Variants in PTPN1 observed in about 807,000 individuals in gnomAD.
PTPN1 encodes protein tyrosine phosphatase non-receptor type 1, also known as tyrosine-protein phosphatase non-receptor type 1.
Under a neutral mutation model 59.9 loss-of-function variants are expected in PTPN1, and 12 were observed. The observed-to-expected ratio is 0.20, with a 90% confidence interval of 0.13 to 0.32. PTPN1 has a LOEUF of 0.32. Among genes scored for constraint, PTPN1 ranks in the 10% least tolerant of loss-of-function variants. The pLI, the probability that PTPN1 is intolerant of heterozygous loss-of-function variation, is 1.00. For synonymous variants in PTPN1, 178 were observed against 203.6 expected (o/e 0.87, Z 1.07); for missense variants, 356 against 549.2 (o/e 0.65, Z 3.52).
At chr20:50,537,364 AAC>A (rs1414621477) in intron 1 of PTPN1, among the ~76,000 whole-genome samples, 8 of 152,188 alleles carry the variant, frequency 5.3e-5, no homozygotes, top group Admixed American at 2.6e-4. Flanking sequence ...TTAAAAATAA[AAC>A]AGAGAGATCC....
intron 1 of PTPN1, among the ~76,000 whole-genome samples, chr20:50,537,156 C>T (rs1365856684): frequency 5.3e-5 from 8 of 152,082 alleles, no homozygotes; most frequent in Admixed American, 2.0e-4. Context: ...AACCCTGTCT[C>T]TACTAAAAAT....
chr20:50,548,865 G>A (rs548362681), intron 1 of PTPN1, among the ~76,000 whole-genome samples: 5 of 152,166 alleles, frequency 3.3e-5, no homozygotes, highest in South Asian at 2.1e-4. Flanking sequence ...TTACAGTTGC[G>A]TGCCACCACA....
intron 1 of PTPN1, among the ~76,000 whole-genome samples, chr20:50,549,117 C>T (rs1050148818): frequency 1.3e-5 from 2 of 152,226 alleles, no homozygotes; most frequent in African/African-American, 4.8e-5. Context: ...ATTTGTAGAA[C>T]TAACTAGTTG....
chr20:50,579,411 C>G, intron 7 of PTPN1, 82 bp downstream of exon 7: 1 of 1,453,610 alleles, frequency 6.9e-7, no homozygotes, highest in Non-Finnish European at 9.4e-7. Flanking sequence ...TGTAAAAGTT[C>G]AAACACCGTC....
At chr20:50,530,593 G>A (rs1321244996) in intron 1 of PTPN1, among the ~76,000 whole-genome samples, 3 of 151,836 alleles carry the variant, frequency 2.0e-5, no homozygotes, top group African/African-American at 7.3e-5. Context: ...TCTTGACCCC[G>A]TGATCCACCC....
chr20:50,510,736 C>T (rs2082503123), intron 1 of PTPN1, 146 bp downstream of exon 1: 3 of 882,652 alleles, frequency 3.4e-6, no homozygotes, highest in Non-Finnish European at 4.9e-6. Flanking sequence ...CGACGCACTG[C>T]GTCCCCCCAC....
At chr20:50,567,909 C>G (rs923860296) in intron 3 of PTPN1, among the ~76,000 whole-genome samples, 2 of 152,154 alleles carry the variant, frequency 1.3e-5, no homozygotes, top group African/African-American at 4.8e-5. Context: ...TATTATTAGT[C>G]AAGTAAGCGA....
At chr20:50,555,463 T>A (rs2082722129) in intron 1 of PTPN1, among the ~76,000 whole-genome samples, 2 of 152,178 alleles carry the variant, frequency 1.3e-5, no homozygotes, top group African/African-American at 4.8e-5. Context: ...GTTTTGTATC[T>A]TGGTTGCATT....
intron 1 of PTPN1, among the ~76,000 whole-genome samples, chr20:50,523,526 G>A (rs75100828): frequency 2.6e-5 from 4 of 152,218 alleles, no homozygotes; most frequent in South Asian, 2.1e-4. Flanking sequence ...TGCTTTTCTC[G>A]TCTAGATTGT....
In PTPN1 at chr20:50,581,498, G is replaced by A. The variant is rs141824200; in HGVS notation, c.1284+38G>A. ...TGACAGACGCGCTGGCGAGATGCTCGTGTGCAGAGAGCACTGGCCGCTAGC... is the reference window on the plus strand; with the variant it reads ...TGACAGACGCGCTGGCGAGATGCTCATGTGCAGAGAGCACTGGCCGCTAGC... On this transcript the variant is annotated intron_variant, in intron 9 of 9. Coordinates refer to ENST00000371621, the MANE Select transcript of PTPN1 (RefSeq NM_002827.4). 4.1e-4 allele frequency: 641 copies of A among 1,570,478 alleles called. 1 individual carries two copies. The African/African-American group carries it at 7.6e-3, about 19-fold the overall frequency.
intron 1 of PTPN1, among the ~76,000 whole-genome samples, chr20:50,553,061 G>C (rs545030239): frequency 6.6e-6 from 1 of 152,082 alleles, no homozygotes; most frequent in East Asian, 1.9e-4. Context: ...GTCTCTCTCT[G>C]TCTCTCATAG....
intron 1 of PTPN1, among the ~76,000 whole-genome samples, chr20:50,513,869 C>A (rs996863030): frequency 1.3e-5 from 2 of 151,744 alleles, no homozygotes; most frequent in African/African-American, 4.8e-5. Flanking sequence ...GGAGAAAGAT[C>A]TATACACTAT....
chr20:50,541,032 A>T (rs1192880702), intron 1 of PTPN1, among the ~76,000 whole-genome samples: 1 of 152,168 alleles, frequency 6.6e-6, no homozygotes, highest in Non-Finnish European at 1.5e-5. Context: ...AATGTACTAC[A>T]TTCCGTCTCA....
intron 5 of PTPN1, 109 bp downstream of exon 5, chr20:50,574,763 C>T: frequency 7.2e-7 from 1 of 1,380,172 alleles, no homozygotes; most frequent in Non-Finnish European, 9.9e-7. Flanking sequence ...CTTTTGTATA[C>T]CCCGAGCAAG....
At chr20:50,545,535 G>C (rs2082671324) in intron 1 of PTPN1, among the ~76,000 whole-genome samples, 1 of 152,216 alleles carries the variant, frequency 6.6e-6, no homozygotes, top group Admixed American at 6.5e-5. Context: ...TGAGAAATCT[G>C]TATGTAGACC....
rs2082790351 is a variant in PTPN1, at chr20:50,568,522, A to G, written c.354+44A>G. The G allele has an allele frequency of 1.4e-6, 2 of 1,427,380 alleles. No homozygotes were observed. The highest frequency in any genetic ancestry group is 1.1e-5 in the South Asian group (1 of 87,138). 88.4% of individuals were successfully genotyped at this position (1,427,380 alleles called of 1,614,324 possible). On this transcript the variant is annotated intron_variant, in intron 4 of 9. Coordinates refer to ENST00000371621, the MANE Select transcript of PTPN1 (RefSeq NM_002827.4). This position sits in a 1 kb window ranked among gnomAD's most constrained non-coding sequence, Gnocchi z 5.6. ...TGCTGTGTATGTGATCATGCATACC[A>G]CTCCATATAGTTACCATTTTCGTCC... is the stretch of plus-strand genomic sequence containing the variant.
chr20:50,524,590 T>TTTTTTTTTC (rs2082565749), intron 1 of PTPN1, among the ~76,000 whole-genome samples: 5 of 138,560 alleles, frequency 3.6e-5, no homozygotes, highest in South Asian at 2.3e-4. Context: ...TTTTTTTTTT[T>TTTTTTTTTC]TTTTGAGGTG....
intron 4 of PTPN1, chr20:50,571,348 G>A (rs988325958): frequency 1.3e-5 from 2 of 152,244 alleles, no homozygotes; most frequent in African/African-American, 4.8e-5. Flanking sequence ...AGGATTACTT[G>A]GGCGTGCAGA....
intron 1 of PTPN1, among the ~76,000 whole-genome samples, chr20:50,549,751 A>G (rs1013011169): frequency 6.6e-6 from 1 of 152,182 alleles, no homozygotes; most frequent in African/African-American, 2.4e-5. Flanking sequence ...CTTTATTATT[A>G]AACAGTGTAG....
Sources: gnomAD v4.1 joint callset for allele counts (sites outside exome capture counted in the v4.1 genomes callset) on GRCh38, gnomAD v4.1.1 for gene constraint, Gnocchi (gnomAD v3.1) non-coding constraint, MANE v1.5 for transcripts, NCBI Gene and HGNC (gene_info 2026-07-23, HGNC 2026-07-21) for gene names.